SCAMP1: variants seen among roughly 807,000 people sequenced by gnomAD.
The protein encoded by SCAMP1 is secretory carrier membrane protein 1.
SCAMP1 carries 15 observed loss-of-function variants against 41.8 expected under a neutral mutation model. The ratio of observed to expected loss-of-function variants is 0.36; its 90% CI spans 0.24 to 0.55. The LOEUF is 0.55. Ranked by LOEUF, SCAMP1 falls within the 20% of genes least tolerant of loss-of-function variation. SCAMP1 has a pLI of 0.86. For missense variants in SCAMP1, 341 were observed against 412.6 expected, an observed-to-expected ratio of 0.83 and a Z score of 1.50; for synonymous variants, 135 against 136.8, an observed-to-expected ratio of 0.99 and a Z score of 0.09.
chr5:78,367,108 A>G (rs1750817532), intron 1 of SCAMP1, among the ~76,000 whole-genome samples: 1 of 152,114 alleles, frequency 6.6e-6, no homozygotes, highest in African/African-American at 2.4e-5. Flanking sequence ...TTTTACGTTC[A>G]TGTCAACTGC....
chr5:78,386,696 G>C (rs565098659), intron 1 of SCAMP1, among the ~76,000 whole-genome samples: 4 of 152,112 alleles, frequency 2.6e-5, no homozygotes, highest in African/African-American at 4.8e-5. Flanking sequence ...TTGGAAAAAA[G>C]TATGTATCCT....
At chr5:78,423,008 GCGCGCGCGCA>G (rs1752375354) in intron 6 of SCAMP1, among the ~76,000 whole-genome samples, 1 of 36,688 alleles carries the variant, frequency 2.7e-5, no homozygotes, top group African/African-American at 1.5e-4. Flanking sequence ...TGTAACACAC[GCGCGCGCGCA>G]CACACACACA....
At chr5:78,440,904 A>G (rs1752904931) in intron 6 of SCAMP1, among the ~76,000 whole-genome samples, 1 of 152,164 alleles carries the variant, frequency 6.6e-6, no homozygotes, top group Admixed American at 6.5e-5. Flanking sequence ...AAGCCTCAGC[A>G]GTGGTGGACG....
At chr5:78,385,329 C>T (rs750852765) in intron 1 of SCAMP1, among the ~76,000 whole-genome samples, 1 of 152,010 alleles carries the variant, frequency 6.6e-6, no homozygotes, top group Non-Finnish European at 1.5e-5. Flanking sequence ...TTATTTGGAT[C>T]TTTTCTCTTT....
chr5:78,469,064 G>T (rs890587477), intron 8 of SCAMP1, among the ~76,000 whole-genome samples: 2 of 152,040 alleles, frequency 1.3e-5, no homozygotes, highest in African/African-American at 4.8e-5. Flanking sequence ...TTCTATGTGA[G>T]TTTGGTTGGA....
intron 2 of SCAMP1, among the ~76,000 whole-genome samples, chr5:78,405,226 C>T (rs1242471439): frequency 1.3e-5 from 2 of 152,102 alleles, no homozygotes; most frequent in Non-Finnish European, 2.9e-5. Context: ...AACTGAAAGT[C>T]CCCTTTACTT....
intron 6 of SCAMP1, among the ~76,000 whole-genome samples, chr5:78,441,207 C>T (rs984639784): frequency 6.6e-6 from 1 of 152,188 alleles, no homozygotes; most frequent in Non-Finnish European, 1.5e-5. Flanking sequence ...GTGGGTGGCA[C>T]CCACTGTCCA....
At chr5:78,380,662 C>T (rs1751182020) in intron 1 of SCAMP1, among the ~76,000 whole-genome samples, 1 of 151,966 alleles carries the variant, frequency 6.6e-6, no homozygotes, top group African/African-American at 2.4e-5. Flanking sequence ...TTGGGTATTT[C>T]CCCACAGAGG....
intron 2 of SCAMP1, among the ~76,000 whole-genome samples, chr5:78,413,221 G>C (rs888410527): frequency 4.6e-5 from 7 of 151,940 alleles, no homozygotes; most frequent in African/African-American, 1.7e-4. Context: ...TCACTGTTTT[G>C]TAGTGACACC....
intron 1 of SCAMP1, among the ~76,000 whole-genome samples, chr5:78,381,146 C>A (rs1372685126): frequency 6.6e-6 from 1 of 152,100 alleles, no homozygotes; most frequent in Admixed American, 6.5e-5. Context: ...AGATTATCAT[C>A]GTTCAGGGAA....
At chr5:78,458,003 T>C (rs182066456) in intron 7 of SCAMP1, 114 of 152,976 alleles carry the variant, frequency 7.5e-4, no homozygotes, top group Non-Finnish European at 1.3e-3. Context: ...CCTGACCTCT[T>C]GCGCTTCCCA....
At chr5:78,431,831 A>G (rs564029707) in intron 6 of SCAMP1, among the ~76,000 whole-genome samples, 1 of 152,048 alleles carries the variant, frequency 6.6e-6, no homozygotes, top group African/African-American at 2.4e-5. Context: ...AATTTTTTTA[A>G]TTTGAATGGG....
At chr5:78,451,245 A>T (rs1229225993) in intron 7 of SCAMP1, among the ~76,000 whole-genome samples, 2 of 152,220 alleles carry the variant, frequency 1.3e-5, no homozygotes, top group Admixed American at 1.3e-4. Flanking sequence ...CAGATTTTTT[A>T]GGTTAAACTT....
At chr5:78,428,224 G>T (rs994705410) in intron 6 of SCAMP1, among the ~76,000 whole-genome samples, 1 of 152,060 alleles carries the variant, frequency 6.6e-6, no homozygotes, top group Non-Finnish European at 1.5e-5. Context: ...TGTGTATGAA[G>T]GTTATTGGTC....
chr5:78,446,074 T>C (rs1241839681), intron 6 of SCAMP1, among the ~76,000 whole-genome samples: 1 of 152,242 alleles, frequency 6.6e-6, no homozygotes, highest in Non-Finnish European at 1.5e-5. Context: ...TAATATCTTT[T>C]ATTTAGCTTT....
chr5:78,363,903 A>G (rs151229873), intron 1 of SCAMP1, among the ~76,000 whole-genome samples: 1 of 152,312 alleles, frequency 6.6e-6, no homozygotes, highest in African/African-American at 2.4e-5. Flanking sequence ...TTCATTGCGC[A>G]TCAAGAAACT....
chr5:78,480,575 G>GT lies in SCAMP1; in HGVS notation c.*4908dup, dbSNP rs1169627246. Among the ~76,000 whole-genome samples the GT allele has an allele frequency of 1.3e-5, 2 of 152,134 alleles. No homozygotes were observed. The highest frequency in any genetic ancestry group is 3.8e-4 in the East Asian group (2 of 5,202). On this transcript the variant is annotated 3_prime_UTR_variant, in exon 9 of 9. Transcript: ENST00000621999. Reference sequence around the variant, plus strand: ...TGTCTTTTATCTGGTGATCACTGTGGTATCTACAGTATTCTAGTCTCCTGC... The same window carrying GT: ...TGTCTTTTATCTGGTGATCACTGTGGTTATCTACAGTATTCTAGTCTCCTGC...
chr5:78,449,135 A>G (rs1172568524), intron 6 of SCAMP1, among the ~76,000 whole-genome samples: 1 of 152,120 alleles, frequency 6.6e-6, no homozygotes, highest in Admixed American at 6.5e-5. Context: ...CTAAGAGAAA[A>G]AGGAAATATA....
chr5:78,391,760 C>T (rs1377092528), intron 2 of SCAMP1, among the ~76,000 whole-genome samples: 1 of 152,214 alleles, frequency 6.6e-6, no homozygotes, highest in African/African-American at 2.4e-5. Flanking sequence ...ATCCCGGCAC[C>T]TCAGAAGGCC....
Sources: allele counts gnomAD v4.1 joint callset (sites outside exome capture counted in the v4.1 genomes callset), GRCh38; gene constraint gnomAD v4.1.1; transcripts MANE v1.5; gene names NCBI Gene and HGNC (gene_info 2026-07-23, HGNC 2026-07-21).